SMCO2: variants seen among roughly 807,000 people sequenced by gnomAD.
SMCO2 encodes the protein single-pass membrane and coiled-coil domain-containing protein 2.
A neutral mutation model predicts 29.5 loss-of-function variants in SMCO2; 25 were observed. The observed-to-expected ratio is 0.85, with a 90% CI of 0.62 to 1.18. The LOEUF (loss-of-function observed/expected upper bound fraction) is 1.18, where lower values mean the gene tolerates loss of function less well. Among genes scored for constraint, SMCO2 ranks in the 50% most tolerant of loss-of-function variants. The pLI is 0.00. For synonymous variants in SMCO2, 117 were observed against 123.3 expected (o/e 0.95, Z 0.34); for missense variants, 348 against 344.5 (o/e 1.01, Z -0.08).
chr12:27,453,257 C>T, the SMCO2 span, among the ~76,000 whole-genome samples: 2 of 152,150 alleles, frequency 1.3e-5, no homozygotes, highest in South Asian at 4.1e-4. Context: ...TTCCTTGTGG[C>T]TTGGGTACAC....
chr12:27,494,571 T>C (rs985179996), intron 6 of SMCO2, among the ~76,000 whole-genome samples: 14 of 151,212 alleles, frequency 9.3e-5, no homozygotes, highest in Non-Finnish European at 1.9e-4. Flanking sequence ...GTTTGTTACA[T>C]AGGTATACAT....
chr12:27,497,982 C>T (rs187630516), intron 7 of SMCO2: 1 of 305,866 alleles, frequency 3.3e-6, no homozygotes, highest in East Asian at 8.9e-5. Flanking sequence ...AATATATGTT[C>T]AGATGAAACA....
At chr12:27,425,166 G>C in the SMCO2 span, 12 of 151,766 alleles carry the variant, frequency 7.9e-5, no homozygotes, top group African/African-American at 2.9e-4. Context: ...CAGTTCACTT[G>C]TGCTCGTCTG....
At chr12:27,480,037 G>C (rs563887479) in intron 4 of SMCO2, among the ~76,000 whole-genome samples, 1 of 152,298 alleles carries the variant, frequency 6.6e-6, no homozygotes, top group South Asian at 2.1e-4. Flanking sequence ...ATAGCCCTCA[G>C]TCTGTGGCTG....
At chr12:27,467,643 T>A (rs1046077655) in intron 1 of SMCO2, among the ~76,000 whole-genome samples, 3 of 152,114 alleles carry the variant, frequency 2.0e-5, no homozygotes, top group Non-Finnish European at 4.4e-5. Flanking sequence ...AGCCAACCCA[T>A]TAAGACGCAT....
chr12:27,438,402 G>A, the SMCO2 span, among the ~76,000 whole-genome samples: 5 of 152,098 alleles, frequency 3.3e-5, no homozygotes, highest in East Asian at 1.9e-4. Flanking sequence ...CAATGCAGCC[G>A]ACAGCCTACT....
chr12:27,482,095 G>A (rs1009535366), intron 4 of SMCO2, among the ~76,000 whole-genome samples: 9 of 151,398 alleles, frequency 5.9e-5, no homozygotes, highest in Non-Finnish European at 1.2e-4. Flanking sequence ...TGAACTTTAG[G>A]TCATTGATTT....
At chr12:27,435,132 T>C in the SMCO2 span, among the ~76,000 whole-genome samples, 2 of 152,042 alleles carry the variant, frequency 1.3e-5, no homozygotes, top group African/African-American at 4.8e-5. Flanking sequence ...ACACATTTTC[T>C]AGAGCAGGGT....
chr12:27,464,519 G>A (rs1949482061), upstream of SMCO2, among the ~76,000 whole-genome samples: 1 of 151,716 alleles, frequency 6.6e-6, no homozygotes, highest in Admixed American at 6.6e-5. Flanking sequence ...GACCAGCCTG[G>A]GCAACATGGT....
chr12:27,441,968 G>A, the SMCO2 span, among the ~76,000 whole-genome samples: 8 of 152,154 alleles, frequency 5.3e-5, no homozygotes, highest in Non-Finnish European at 1.0e-4. Context: ...CAACCAATGG[G>A]TCAATGAAGA....
At chr12:27,496,306 G>A (rs570097090) in intron 7 of SMCO2, among the ~76,000 whole-genome samples, 2 of 150,124 alleles carry the variant, frequency 1.3e-5, no homozygotes, top group Non-Finnish European at 2.9e-5. Context: ...ATACAGAGAA[G>A]CTTCTCTATA....
At chr12:27,475,323 C>T (rs1487411639) in intron 4 of SMCO2, among the ~76,000 whole-genome samples, 1 of 152,130 alleles carries the variant, frequency 6.6e-6, no homozygotes, top group Non-Finnish European at 1.5e-5. Flanking sequence ...ATTCATTCCA[C>T]ACAGTGAAAT....
chr12:27,454,967 C>A, the SMCO2 span, among the ~76,000 whole-genome samples: 1 of 152,170 alleles, frequency 6.6e-6, no homozygotes, highest in Non-Finnish European at 1.5e-5. Context: ...AGCTGCATGG[C>A]CTTCCATTAT....
chr12:27,474,666 C>T, intron 3 of SMCO2, 120 bp from the exon 4 acceptor site: 1 of 1,143,606 alleles, frequency 8.7e-7, no homozygotes, highest in Admixed American at 2.5e-5. Context: ...CAGAAAGCTC[C>T]AGTCTCAGAG....
the SMCO2 span, among the ~76,000 whole-genome samples, chr12:27,453,353 C>T: frequency 5.3e-5 from 8 of 152,136 alleles, no homozygotes; most frequent in African/African-American, 1.7e-4. Context: ...CATCCTGTGC[C>T]GGGGCATGTG....
At chr12:27,460,823 A>G in the SMCO2 span, among the ~76,000 whole-genome samples, 5 of 152,172 alleles carry the variant, frequency 3.3e-5, no homozygotes, top group African/African-American at 1.2e-4. Context: ...TATCTTGGAA[A>G]ACCCACACCA....
chr12:27,477,634 C>CTTTTTTTTTTTTTTTTTTTT (rs3051833), intron 4 of SMCO2, among the ~76,000 whole-genome samples: 7 of 109,650 alleles, frequency 6.4e-5, no homozygotes, highest in African/African-American at 2.3e-4. Flanking sequence ...CTTTTTCATT[C>CTTTTTTTTTTTTTTTTTTTT]TTTTTTTTTT....
the SMCO2 span, chr12:27,446,464 A>G: frequency 6.6e-6 from 1 of 152,210 alleles, no homozygotes; most frequent in Non-Finnish European, 1.5e-5. Context: ...ATTTGGAGGG[A>G]AAAACAATTC....
the SMCO2 span, among the ~76,000 whole-genome samples, chr12:27,459,013 C>G: frequency 6.6e-6 from 1 of 151,636 alleles, no homozygotes; most frequent in Non-Finnish European, 1.5e-5. Flanking sequence ...CGGTGAAACC[C>G]CGTCTCTACT....
Sources: gnomAD v4.1 joint callset for allele counts (sites outside exome capture counted in the v4.1 genomes callset) on GRCh38, gnomAD v4.1.1 for gene constraint, MANE v1.5 for transcripts, NCBI Gene and HGNC (gene_info 2026-07-23, HGNC 2026-07-21) for gene names.